The following RBFOX1 variants were observed in gnomAD, a reference collection of about 807,000 sequenced individuals.
The protein encoded by RBFOX1 is RNA binding protein fox-1 homolog 1.
A neutral mutation model predicts 57.7 loss-of-function variants in RBFOX1; 8 were observed. The observed-to-expected ratio is 0.14, with a 90% CI of 0.08 to 0.25. RBFOX1 has a LOEUF of 0.25. Ranked by LOEUF, RBFOX1 falls within the 10% of genes least tolerant of loss-of-function variation. The pLI is 1.00. For synonymous variants in RBFOX1, 326 were observed against 222.4 expected, an observed-to-expected ratio of 1.47 and a Z score of -4.15; for missense variants, 611 against 548.5, an observed-to-expected ratio of 1.11 and a Z score of -1.14.
intron 4 of RBFOX1, among the ~76,000 whole-genome samples, chr16:5,991,909 T>C (rs187183377): frequency 2.5e-4 from 38 of 152,294 alleles, no homozygotes; most frequent in Admixed American, 2.2e-3. Flanking sequence ...AAAGCAACCA[T>C]TCTTACCATC....
chr16:5,914,097 C>T (rs2058658465), intron 4 of RBFOX1, among the ~76,000 whole-genome samples: 1 of 152,188 alleles, frequency 6.6e-6, no homozygotes, highest in Non-Finnish European at 1.5e-5. Context: ...TGGGGACTTT[C>T]AAGCTGTGTT....
At chr16:6,880,939 A>C (rs1017372702) in intron 3 of RBFOX1, among the ~76,000 whole-genome samples, 1 of 152,194 alleles carries the variant, frequency 6.6e-6, no homozygotes, top group Admixed American at 6.5e-5. Flanking sequence ...TAAATGCTAC[A>C]TTAGGAGATT....
intron 1 of RBFOX1, among the ~76,000 whole-genome samples, chr16:5,383,829 T>C (rs1325537271): frequency 1.3e-5 from 2 of 152,202 alleles, no homozygotes; most frequent in Non-Finnish European, 2.9e-5. Flanking sequence ...CTTTCTTTAG[T>C]AGAAAAGAGA....
Position 7,154,131 on chromosome 16 carries a change from C to T in RBFOX1, c.27+102033C>T, listed in dbSNP as rs1567482475. On this transcript the variant is annotated intron_variant, in intron 4 of 15. Transcript: ENST00000550418. ...AAAAGCACTCAAGATTGTTTTTGCA[C>T]ATCATAGTTCATCATCCAAAAGTTA... is the stretch of plus-strand genomic sequence containing the variant. Among the ~76,000 whole-genome samples, 4 of 152,300 alleles carry T rather than the reference C, an allele frequency of 2.6e-5. No homozygotes were observed. In the South Asian group the frequency reaches 8.3e-4, roughly 32 times the overall value.
At chr16:6,793,434 T>G (rs1341706442) in intron 3 of RBFOX1, among the ~76,000 whole-genome samples, 1 of 152,174 alleles carries the variant, frequency 6.6e-6, no homozygotes, top group Admixed American at 6.5e-5. Flanking sequence ...AATACAGAAT[T>G]CTCTGAGAGA....
At chr16:6,960,310 C>A (rs868812447) in intron 3 of RBFOX1, among the ~76,000 whole-genome samples, 1 of 152,120 alleles carries the variant, frequency 6.6e-6, no homozygotes, top group Non-Finnish European at 1.5e-5. Flanking sequence ...TAATCACTTA[C>A]GTCTTTAGAC....
intron 2 of RBFOX1, among the ~76,000 whole-genome samples, chr16:5,578,216 C>T (rs2046535108): frequency 6.6e-6 from 1 of 152,186 alleles, no homozygotes; most frequent in African/African-American, 2.4e-5. Context: ...TCCCAGAGTG[C>T]TGGGATTACA....
intron 5 of RBFOX1, among the ~76,000 whole-genome samples, chr16:7,525,251 G>C (rs1043091386): frequency 6.6e-6 from 1 of 152,004 alleles, no homozygotes. Context: ...TTATATCTCA[G>C]AGATTATTCT....
rs112510210 is a variant in RBFOX1 at position 5,319,125 on chromosome 16, TCAAACAAACAAA to T, written c.219+79037_219+79048del. 6.6e-5 allele frequency among the ~76,000 whole-genome samples: 10 copies of T among 151,170 alleles called. No homozygotes were observed. In the East Asian group the frequency reaches 1.4e-3, roughly 21 times the overall value. ...CTGGGCAACAGAGTAAGACTCTGTC[TCAAACAAACAAA>T]CAAACAAACAAACAAAAAAACATAA... On this transcript the variant is annotated intron_variant, in intron 1 of 2. Transcript: ENST00000585867.
At chr16:7,539,719 A>C (rs908837260) in intron 5 of RBFOX1, among the ~76,000 whole-genome samples, 1 of 152,128 alleles carries the variant, frequency 6.6e-6, no homozygotes, top group Non-Finnish European at 1.5e-5. Context: ...TTGCTTGGCG[A>C]CCAAGTGCAT....
At chr16:5,239,944 C>T (rs1031321426) in exon 1 of RBFOX1, 1 of 1,306,738 alleles carries the variant, frequency 7.7e-7, no homozygotes, top group Non-Finnish European at 1.0e-6. Flanking sequence ...CAGGGATGGC[C>T]GGCCCAGGAG....
At chr16:5,748,800 C>T (rs1165358906) in intron 3 of RBFOX1, among the ~76,000 whole-genome samples, 1 of 152,174 alleles carries the variant, frequency 6.6e-6, no homozygotes, top group African/African-American at 2.4e-5. Context: ...ATACAGCACA[C>T]TGATGGGTCT....
chr16:7,028,344 G>C (rs1428331139), intron 3 of RBFOX1, among the ~76,000 whole-genome samples: 1 of 152,046 alleles, frequency 6.6e-6, no homozygotes, highest in East Asian at 1.9e-4. Flanking sequence ...CCTGGGCTCA[G>C]GGCTGGAGTT....
At position 5,352,075 on chromosome 16, in the gene RBFOX1, G is replaced by A. The variant is rs2065274127; in HGVS notation, c.219+111970G>A. Among the ~76,000 whole-genome samples, 4 of 152,122 alleles carry A rather than the reference G, an allele frequency of 2.6e-5. No homozygotes were observed. The South Asian group carries it at 8.3e-4, about 32-fold the overall frequency. On this transcript the variant is annotated intron_variant, in intron 1 of 2. Transcript: ENST00000585867. ...CCCGCCTCAGCCTCCCAAAGTGCTG[G>A]GATTACAGGGGTGAGCCACTGCGCC...
intron 4 of RBFOX1, among the ~76,000 whole-genome samples, chr16:7,347,243 G>A (rs561792854): frequency 7.9e-5 from 12 of 152,208 alleles, no homozygotes; most frequent in South Asian, 4.2e-4. Flanking sequence ...AAGACATACC[G>A]GAGACTGGGC....
At chr16:5,493,247 C>T (rs1300355903) in intron 2 of RBFOX1, among the ~76,000 whole-genome samples, 1 of 152,134 alleles carries the variant, frequency 6.6e-6, no homozygotes, top group East Asian at 1.9e-4. Context: ...TTATTTCTTA[C>T]ATTTTGTAGA....
intron 3 of RBFOX1, among the ~76,000 whole-genome samples, chr16:6,896,509 G>A (rs1038491198): frequency 2.0e-5 from 3 of 152,226 alleles, no homozygotes; most frequent in South Asian, 4.1e-4. Flanking sequence ...TAATAAGTGA[G>A]AATATATGAT....
chr16:7,644,291 T>C (rs1388383846), intron 11 of RBFOX1, among the ~76,000 whole-genome samples: 2 of 152,174 alleles, frequency 1.3e-5, no homozygotes, highest in Non-Finnish European at 2.9e-5. Flanking sequence ...AGTGGGTTAA[T>C]CTCCGGGTCT....
chr16:7,611,637 G>C (rs931522741), intron 10 of RBFOX1, among the ~76,000 whole-genome samples: 1 of 151,880 alleles, frequency 6.6e-6, no homozygotes, highest in African/African-American at 2.4e-5. Flanking sequence ...GACTCCCCGA[G>C]TATGTTTTTA....
Sources: gnomAD v4.1 joint callset for allele counts (sites outside exome capture counted in the v4.1 genomes callset) on GRCh38, gnomAD v4.1.1 for gene constraint, MANE v1.5 for transcripts, NCBI Gene and HGNC (gene_info 2026-07-23, HGNC 2026-07-21) for gene names.